HIVEP3: variants seen among roughly 807,000 people sequenced by gnomAD.
HIVEP3 encodes HIVEP zinc finger 3, also known as transcription factor HIVEP3.
HIVEP3 carries 49 observed loss-of-function variants against 152.8 expected under a neutral mutation model. The observed-to-expected ratio is 0.32, with a 90% confidence interval of 0.26 to 0.41. The LOEUF is 0.41. Among genes scored for constraint, HIVEP3 ranks in the 10% least tolerant of loss-of-function variants. HIVEP3 has a pLI of 1.00. For missense variants in HIVEP3, 2,790 were observed against 3,103.3 expected (o/e 0.90, Z 2.40); for synonymous variants, 1,269 against 1,289.0 (o/e 0.98, Z 0.33).
chr1:41,701,557 G>C (rs1021480969), intron 1 of HIVEP3, among the ~76,000 whole-genome samples: 3 of 152,148 alleles, frequency 2.0e-5, no homozygotes, highest in African/African-American at 7.2e-5. Flanking sequence ...GCCAGGTGCT[G>C]GGCAAAGCAC....
At chr1:41,622,211 A>C (rs2149142584) in intron 3 of HIVEP3, among the ~76,000 whole-genome samples, 1 of 152,332 alleles carries the variant, frequency 6.6e-6, no homozygotes, top group East Asian at 1.9e-4. Flanking sequence ...TCATGGAGAG[A>C]CAGATGGAAC....
chr1:41,834,241 T>C (rs1031527836), intron 1 of HIVEP3, among the ~76,000 whole-genome samples: 5 of 152,110 alleles, frequency 3.3e-5, no homozygotes, highest in African/African-American at 9.7e-5. Context: ...GCTCCATCTC[T>C]CTGCAGAGAC....
At chr1:41,568,244 A>C (rs1335330757) in intron 5 of HIVEP3, among the ~76,000 whole-genome samples, 1 of 152,224 alleles carries the variant, frequency 6.6e-6, no homozygotes, top group Non-Finnish European at 1.5e-5. Flanking sequence ...GAGTGTGCAA[A>C]TTCATCGTGG....
chr1:42,001,248 C>T (rs757244770), intron 1 of HIVEP3, among the ~76,000 whole-genome samples: 1 of 152,222 alleles, frequency 6.6e-6, no homozygotes, highest in Non-Finnish European at 1.5e-5. Context: ...ATATTAGTAA[C>T]ATAACCTAGA....
chr1:41,580,755 C>T lies in HIVEP3; in HGVS notation c.4043G>A (p.Gly1348Asp), dbSNP rs1481681961. 1 of 1,585,880 alleles carries T rather than the reference C, an allele frequency of 6.3e-7. No individual in the cohort carries two copies. The highest frequency in any genetic ancestry group is 1.2e-5 in the South Asian group (1 of 84,760). ...GGGAAGTGCCACAGTTGCTGAGCTG[C>T]CTTGGGACTGGGTGACCAAGATCTG... is the stretch of plus-strand genomic sequence containing the variant. ...LSQILVTQSQGSSATVALPKF... is the reference protein window; with the variant it reads ...LSQILVTQSQDSSATVALPKF... Residue 1348 changes from glycine to aspartate, a missense_variant, in exon 4 of 9, where the codon GGC becomes GAC. Physicochemically the swap from Gly to Asp is moderately conservative, Grantham distance 94. Transcript: ENST00000372583.
rs966487690 is a variant in HIVEP3, at chr1:41,887,803, C to T, written c.-801+30610G>A. On this transcript the variant is annotated intron_variant, in intron 1 of 8. Transcript: ENST00000372583. ...TATAATTGAATCTGGTTTGATTCTTCTGGGTGTCACATTCCCTAAACTTGC... is the reference window on the plus strand; with the variant it reads ...TATAATTGAATCTGGTTTGATTCTTTTGGGTGTCACATTCCCTAAACTTGC... Among the ~76,000 whole-genome samples the T allele has an allele frequency of 3.9e-5, 6 of 152,292 alleles. No homozygotes were observed. The East Asian group carries it at 1.2e-3, about 29-fold the overall frequency.
intron 1 of HIVEP3, among the ~76,000 whole-genome samples, chr1:41,897,992 A>G (rs545281851): frequency 1.1e-3 from 166 of 147,876 alleles, no homozygotes; most frequent in Admixed American, 2.4e-3. Context: ...GTGCTGGGAG[A>G]AGGAGGACCC....
intron 1 of HIVEP3, among the ~76,000 whole-genome samples, chr1:42,032,003 G>A (rs1308858022): frequency 6.6e-6 from 1 of 152,116 alleles, no homozygotes; most frequent in Non-Finnish European, 1.5e-5. Flanking sequence ...TGTTTGAATT[G>A]GAAAGAAAAA....
At chr1:41,895,528 C>T (rs1384153952) in intron 1 of HIVEP3, among the ~76,000 whole-genome samples, 1 of 152,150 alleles carries the variant, frequency 6.6e-6, no homozygotes, top group Admixed American at 6.5e-5. Flanking sequence ...TGCAGGCCAC[C>T]CAGGCCAATC....
intron 1 of HIVEP3, among the ~76,000 whole-genome samples, chr1:41,820,248 T>C (rs1279647130): frequency 6.6e-6 from 1 of 152,238 alleles, no homozygotes; most frequent in African/African-American, 2.4e-5. Flanking sequence ...TTGCTTTATT[T>C]ATTTTGAAGT....
chr1:41,572,946 T>G (rs577940468), intron 5 of HIVEP3, among the ~76,000 whole-genome samples: 3 of 152,342 alleles, frequency 2.0e-5, no homozygotes, highest in African/African-American at 7.2e-5. Flanking sequence ...ACGGTAGGAA[T>G]GCACTTCTCT....
intron 1 of HIVEP3, among the ~76,000 whole-genome samples, chr1:41,947,352 C>A (rs1645081165): frequency 6.6e-6 from 1 of 152,232 alleles, no homozygotes; most frequent in African/African-American, 2.4e-5. Flanking sequence ...CTGCTCACAA[C>A]AGGTTAAATA....
intron 1 of HIVEP3, among the ~76,000 whole-genome samples, chr1:41,809,758 A>T (rs1239533504): frequency 6.6e-6 from 1 of 152,190 alleles, no homozygotes; most frequent in Non-Finnish European, 1.5e-5. Context: ...GGGCCTGTGC[A>T]CAAAAAGACA....
intron 1 of HIVEP3, chr1:41,865,457 T>A (rs982079502): frequency 6.6e-6 from 1 of 152,274 alleles, no homozygotes; most frequent in African/African-American, 2.4e-5. Flanking sequence ...CAGAATATGC[T>A]CTGGGGAGCT....
At chr1:41,702,238 C>T (rs1646373527) in intron 1 of HIVEP3, among the ~76,000 whole-genome samples, 1 of 152,196 alleles carries the variant, frequency 6.6e-6, no homozygotes, top group South Asian at 2.1e-4. Flanking sequence ...ACAACAGCAG[C>T]AGCAGCAGCA....
intron 1 of HIVEP3, among the ~76,000 whole-genome samples, chr1:41,721,528 C>T (rs1646674420): frequency 6.6e-6 from 1 of 152,086 alleles, no homozygotes. Flanking sequence ...TTTTTAAAAG[C>T]TCATAAGCTA....
intron 2 of HIVEP3, among the ~76,000 whole-genome samples, chr1:41,649,433 T>C (rs1645512385): frequency 6.6e-6 from 1 of 152,244 alleles, no homozygotes; most frequent in Non-Finnish European, 1.5e-5. Flanking sequence ...CAGGCCACAC[T>C]GCAAGAAATC....
chr1:41,754,385 G>A (rs1046281900), intron 1 of HIVEP3, among the ~76,000 whole-genome samples: 2 of 152,212 alleles, frequency 1.3e-5, no homozygotes, highest in African/African-American at 2.4e-5. Flanking sequence ...ATGCTGTTGG[G>A]AGGCTATCAC....
chr1:41,866,788 G>T (rs565319941), intron 1 of HIVEP3, among the ~76,000 whole-genome samples: 2 of 152,306 alleles, frequency 1.3e-5, no homozygotes, highest in Admixed American at 6.5e-5. Context: ...GGTACAGTCA[G>T]CAGCTGCAGA....
Sources: gnomAD v4.1 joint callset for allele counts (sites outside exome capture counted in the v4.1 genomes callset) on GRCh38, gnomAD v4.1.1 for gene constraint, MANE v1.5 for transcripts, NCBI Gene and HGNC (gene_info 2026-07-23, HGNC 2026-07-21) for gene names.